The following BMS1 variants were observed in gnomAD, a reference collection of about 807,000 sequenced individuals.
The protein encoded by BMS1 is ribosome biogenesis protein BMS1 homolog.
A neutral mutation model predicts 138.7 loss-of-function variants in BMS1; 53 were observed. That is an observed-to-expected ratio of 0.38 (90% CI 0.31 to 0.48). The LOEUF (loss-of-function observed/expected upper bound fraction) is 0.48, where lower values mean the gene tolerates loss of function less well. BMS1 is among the 20% of genes least tolerant of loss of function. The probability of loss-of-function intolerance (pLI) is 0.97; values close to 1 mark genes in which losing one functional copy is unlikely to be tolerated. For missense variants in BMS1, 1,360 were observed against 1,565.5 expected, an observed-to-expected ratio of 0.87 and a Z score of 2.22; for synonymous variants, 504 against 539.9, an observed-to-expected ratio of 0.93 and a Z score of 0.92.
chr10:42,792,910 T>G (rs748793927), intron 7 of BMS1, 47 bp from the exon 8 acceptor site: 1 of 1,574,330 alleles, frequency 6.4e-7, no homozygotes, highest in South Asian at 1.2e-5. Flanking sequence ...GGTAGATGCT[T>G]CTGACTTCTT....
In BMS1 at chr10:42,820,380, C is replaced by G; in HGVS notation, c.2725C>G (p.Leu909Val). The change falls in exon 16 of 23, where the codon CTG becomes GTG. Residue 909 changes from leucine (L) to valine (V), a missense_variant. Coordinates refer to ENST00000374518, the MANE Select transcript of BMS1 (RefSeq NM_014753.4). ...QNFDPHYPII[L>V]GGLGNSEGNV... ...CTTTGACCCCCATTACCCCATTATC[C>G]TGGGTGGCTTGGGCAACAGTGAGGG... 6.2e-7 allele frequency: 1 copy of G among 1,613,824 alleles called. No individual in the cohort carries two copies.
intron 13 of BMS1, among the ~76,000 whole-genome samples, chr10:42,810,093 C>T (rs928149723): frequency 2.0e-5 from 3 of 152,024 alleles, no homozygotes; most frequent in African/African-American, 7.2e-5. Context: ...GGAGCCACCG[C>T]ACCTGGCCTG....
intron 15 of BMS1, among the ~76,000 whole-genome samples, chr10:42,818,651 G>A (rs540955604): frequency 6.6e-6 from 1 of 152,226 alleles, no homozygotes; most frequent in Non-Finnish European, 1.5e-5. Flanking sequence ...GGAAGATGAT[G>A]TTTGGTTCGG....
chr10:42,794,275 C>G (rs2132311571), intron 9 of BMS1, among the ~76,000 whole-genome samples: 1 of 152,236 alleles, frequency 6.6e-6, no homozygotes, highest in Middle Eastern at 3.4e-3. Flanking sequence ...GACCTGAAGC[C>G]ACTTGGCTTT....
intron 4 of BMS1, among the ~76,000 whole-genome samples, chr10:42,789,064 G>A (rs1341569009): frequency 6.6e-6 from 1 of 152,190 alleles, no homozygotes; most frequent in Non-Finnish European, 1.5e-5. Context: ...CCTGTGTACA[G>A]CAAAGGCACA....
chr10:42,822,486 C>T (rs1281079664), intron 19 of BMS1, among the ~76,000 whole-genome samples: 1 of 152,040 alleles, frequency 6.6e-6, no homozygotes, highest in Non-Finnish European at 1.5e-5. Flanking sequence ...GTTTTGTTTC[C>T]TACTTTTTTT....
chr10:42,799,144 G>A (rs1841793008), intron 12 of BMS1, among the ~76,000 whole-genome samples: 1 of 151,962 alleles, frequency 6.6e-6, no homozygotes, highest in South Asian at 2.1e-4. Flanking sequence ...GTCTTTCTCT[G>A]CAGCCCAGGC....
intron 6 of BMS1, 39 bp downstream of exon 6, chr10:42,791,808 T>C: frequency 1.9e-6 from 3 of 1,573,444 alleles, no homozygotes; most frequent in Non-Finnish European, 2.6e-6. Context: ...CTGGGCCATA[T>C]ATTTCAAAGC....
At chr10:42,787,133 T>G (rs1385728635) in intron 3 of BMS1, 35 bp from the exon 4 acceptor site, 1 of 763,292 alleles carries the variant, frequency 1.3e-6, no homozygotes, top group African/African-American at 1.7e-5. Flanking sequence ...TTTCAGGGTC[T>G]TTTTAAAGTA....
Position 42,784,586 on chromosome 10 carries a change from G to C in BMS1, c.176+16G>C. ...CCTTTCACAGGTATGTTAGGCTACGGTCTGGTCATTCTTCCATTGATTCTT... is the reference window on the plus strand; with the variant it reads ...CCTTTCACAGGTATGTTAGGCTACGCTCTGGTCATTCTTCCATTGATTCTT... On this transcript the variant is annotated intron_variant, in intron 2 of 22. Coordinates refer to ENST00000374518, the MANE Select transcript of BMS1 (RefSeq NM_014753.4). 6.3e-7 allele frequency: 1 copy of C among 1,580,786 alleles called. No homozygotes were observed. The highest frequency in any genetic ancestry group is 8.6e-7 in the Non-Finnish European group (1 of 1,168,776).
intron 12 of BMS1, 41 bp downstream of exon 12, chr10:42,798,666 G>A (rs762810890): frequency 2.1e-5 from 33 of 1,605,294 alleles, no homozygotes; most frequent in South Asian, 4.4e-5. Context: ...GAGAATTAGC[G>A]AATTGTTCTA....
rs1241168999 is a variant in BMS1 at position 42,796,830 on chromosome 10, A to C, written c.1586A>C (p.Asp529Ala). ...EEADESSEEE[D>A]CTAGEKGISG... The stretch of plus-strand genomic sequence containing the variant: ...GCTGATGAAAGCAGTGAAGAAGAGG[A>C]CTGCACTGCAGGAGAGAAGGGCATT... Residue 529 changes from aspartate to alanine, a missense_variant, in exon 10 of 23, where the codon GAC becomes GCC. Coordinates refer to ENST00000374518, the MANE Select transcript of BMS1 (RefSeq NM_014753.4). 1 of 1,614,238 alleles carries C rather than the reference A, an allele frequency of 6.2e-7. No homozygotes were observed. Among genetic ancestry groups the C allele is most frequent in the South Asian group, 1.1e-5 (1 of 91,082 alleles).
intron 13 of BMS1, among the ~76,000 whole-genome samples, chr10:42,812,297 C>T (rs747100161): frequency 5.3e-5 from 8 of 152,136 alleles, no homozygotes; most frequent in Non-Finnish European, 8.8e-5. Flanking sequence ...AGGTGTGTGC[C>T]GCCACACTTG....
chr10:42,787,104 G>A, intron 3 of BMS1, 64 bp from the exon 4 acceptor site: 1 of 810,724 alleles, frequency 1.2e-6, no homozygotes, highest in Non-Finnish European at 2.1e-6. Context: ...TGAAAATTAA[G>A]AGTTGATGGT....
chr10:42,792,836 G>A, intron 7 of BMS1, 121 bp from the exon 8 acceptor site: 1 of 1,321,116 alleles, frequency 7.6e-7, no homozygotes. Context: ...GTGGCACAAT[G>A]CCCTTCTTTA....
intron 14 of BMS1, 148 bp downstream of exon 14, chr10:42,816,820 G>C (rs1045326844): frequency 4.0e-5 from 25 of 621,650 alleles, no homozygotes; most frequent in Non-Finnish European, 5.9e-5. Flanking sequence ...GGGGACCAAA[G>C]AGAAGCTTTC....
chr10:42,826,337 A>T (rs1015199372), intron 21 of BMS1, among the ~76,000 whole-genome samples: 1 of 151,068 alleles, frequency 6.6e-6, no homozygotes, highest in Non-Finnish European at 1.5e-5. Context: ...GTTTGGAATT[A>T]TTTCCTCTTG....
In BMS1 at chr10:42,793,886, G is replaced by A. The variant is rs557474291; in HGVS notation, c.1124G>A (p.Ser375Asn). 128 of 1,611,874 alleles carry A rather than the reference G, an allele frequency of 7.9e-5. 2 individuals carry two copies. The South Asian group carries it at 1.4e-3, about 17-fold the overall frequency. Reference protein sequence around the residue: ...EVGPTHELVQSLISTHSTIDA... With the variant: ...EVGPTHELVQNLISTHSTIDA... ...GGGCCCACCCATGAGCTGGTCCAGA[G>A]TCTCATCTCTACCCACTCCACCATT... The change falls in exon 9 of 23, where the codon AGT (serine) becomes AAT (asparagine). Residue 375 changes from serine to asparagine, a missense_variant. Transcript: ENST00000374518.
At chr10:42,792,830 C>A in intron 7 of BMS1, 127 bp from the exon 8 acceptor site, 1 of 1,309,292 alleles carries the variant, frequency 7.6e-7, no homozygotes, top group Non-Finnish European at 1.0e-6. Flanking sequence ...TCCAGTGTGG[C>A]ACAATGCCCT....
Sources: allele counts gnomAD v4.1 joint callset (sites outside exome capture counted in the v4.1 genomes callset), GRCh38; gene constraint gnomAD v4.1.1; transcripts MANE v1.5; gene names NCBI Gene and HGNC (gene_info 2026-07-23, HGNC 2026-07-21).